Variants in ARHGAP17 observed in about 807,000 individuals in gnomAD.
ARHGAP17 encodes the protein Rho GTPase activating protein 17.
In ARHGAP17, 57 loss-of-function variants were observed where a neutral mutation model predicts 99.5. That is an observed-to-expected ratio of 0.57 (90% confidence interval 0.46 to 0.71). The LOEUF is 0.71. Among genes scored for constraint, ARHGAP17 ranks in the 30% least tolerant of loss-of-function variants. The pLI is 0.00. For synonymous variants in ARHGAP17, 417 were observed against 429.6 expected (o/e 0.97, Z 0.36); for missense variants, 1,000 against 1,122.4 (o/e 0.89, Z 1.56).
chr16:24,953,072 A>C, intron 10 of ARHGAP17, 30 bp from the exon 11 acceptor site: 3 of 1,607,814 alleles, frequency 1.9e-6, no homozygotes, highest in Non-Finnish European at 2.6e-6. Context: ...ATCAGCATCA[A>C]GTGCAGGTTG....
In ARHGAP17 at chr16:24,983,036, G is replaced by A. The variant is rs1377969031; in HGVS notation, c.54-4031C>T. On this transcript the variant is annotated intron_variant, in intron 1 of 19. Coordinates refer to ENST00000289968, the MANE Select transcript of ARHGAP17 (RefSeq NM_001006634.3). The stretch of plus-strand genomic sequence containing the variant: ...TTTTTTTTTTTTGAGACAGGGTCTC[G>A]TTCTGTCACCCAGGCTGGAGTGCAG... 2.8e-4 allele frequency among the ~76,000 whole-genome samples: 30 copies of A among 105,644 alleles called. 1 individual carries two copies. Among genetic ancestry groups the A allele is most frequent in the Admixed American group, 1.4e-3 (10 of 7,354 alleles). 69.3% of individuals were successfully genotyped at this position (105,644 alleles called of 152,430 possible). A position where few individuals can be genotyped will look rare whatever the true frequency, so the allele number is the denominator to read the frequency against.
At chr16:24,936,681 G>T (rs951134179) in intron 17 of ARHGAP17, 1 of 151,672 alleles carries the variant, frequency 6.6e-6, no homozygotes, top group African/African-American at 2.4e-5. Context: ...ACTCCAGCCT[G>T]GCTGACAGAG....
chr16:25,013,158 A>G (rs148027227), intron 1 of ARHGAP17, among the ~76,000 whole-genome samples: 1 of 152,350 alleles, frequency 6.6e-6, no homozygotes, highest in Non-Finnish European at 1.5e-5. Context: ...GCATCATAGA[A>G]GGCCTTTCAG....
At chr16:24,985,031 T>A (rs1471255943) in intron 1 of ARHGAP17, among the ~76,000 whole-genome samples, 1 of 152,174 alleles carries the variant, frequency 6.6e-6, no homozygotes, top group African/African-American at 2.4e-5. Context: ...CCCAATTTGT[T>A]TTCTAAATTT....
At chr16:24,921,283 C>A (rs1433492673) in intron 19 of ARHGAP17, among the ~76,000 whole-genome samples, 1 of 152,110 alleles carries the variant, frequency 6.6e-6, no homozygotes, top group Non-Finnish European at 1.5e-5. Flanking sequence ...ATTATGAGAG[C>A]CTCATTAGGT....
chr16:24,926,353 T>G (rs182364374), intron 19 of ARHGAP17, among the ~76,000 whole-genome samples: 2,957 of 152,064 alleles, frequency 0.019, 43 homozygotes, highest in Middle Eastern at 0.041. Context: ...CTCCACCTCC[T>G]GGGTTCAAGC....
At chr16:24,972,794 C>G (rs553333842) in intron 3 of ARHGAP17, among the ~76,000 whole-genome samples, 3 of 151,932 alleles carry the variant, frequency 2.0e-5, no homozygotes, top group Admixed American at 2.0e-4. Context: ...ACCCCAAAGC[C>G]ACAACAATCT....
At chr16:24,967,108 G>C (rs1004372045) in intron 6 of ARHGAP17, among the ~76,000 whole-genome samples, 1 of 152,354 alleles carries the variant, frequency 6.6e-6, no homozygotes, top group Non-Finnish European at 1.5e-5. Context: ...AAAGTAGCTC[G>C]ATCTCTGGCA....
intron 3 of ARHGAP17, among the ~76,000 whole-genome samples, chr16:24,976,054 TA>T (rs2052503721): frequency 6.6e-6 from 1 of 152,104 alleles, no homozygotes; most frequent in African/African-American, 2.4e-5. Flanking sequence ...TGGGCCAAAC[TA>T]ACTTAAACCA....
In ARHGAP17 at chr16:24,931,165, T is replaced by C; in HGVS notation, c.2134A>G (p.Asn712Asp). The change falls in exon 19 of 20, where the codon AAT (asparagine) becomes GAT (aspartate). Residue 712 changes from asparagine to aspartate, a missense_variant. Coordinates refer to ENST00000289968, the MANE Select transcript of ARHGAP17 (RefSeq NM_001006634.3). ...GTAGGGGGCTGCGGCGGTGGGTGATTGGGAGCTTGGATTGGAGACAAGCTG... is the reference window on the plus strand; with the variant it reads ...GTAGGGGGCTGCGGCGGTGGGTGATCGGGAGCTTGGATTGGAGACAAGCTG... The part of the protein sequence containing the change: ...SSSLSPIQAP[N>D]HPPPQPPTQA... The C allele has an allele frequency of 1.3e-6, 2 of 1,594,008 alleles. No homozygotes were observed. The highest frequency in any genetic ancestry group is 1.7e-6 in the Non-Finnish European group (2 of 1,171,112).
chr16:24,945,250 G>A (rs2051435159), intron 14 of ARHGAP17, among the ~76,000 whole-genome samples: 1 of 151,772 alleles, frequency 6.6e-6, no homozygotes, highest in African/African-American at 2.4e-5. Context: ...CTGAGCCCAG[G>A]AGGTTGCGGC....
intron 1 of ARHGAP17, among the ~76,000 whole-genome samples, chr16:24,992,863 C>T (rs562512664): frequency 4.6e-5 from 7 of 152,186 alleles, no homozygotes; most frequent in Admixed American, 6.5e-5. Context: ...AGCAATGGTG[C>T]GATCGTAACT....
Position 24,931,274 on chromosome 16 carries a change from G to C in ARHGAP17, c.2025C>G (p.Pro675=). The change falls in exon 19 of 20, where the codon CCC becomes CCG. Residue 675 remains proline, a synonymous_variant. Transcript: ENST00000289968. The stretch of plus-strand genomic sequence containing the variant: ...GGCCCGTGTGCTGGGTGGGAGGAGA[G>C]GGGCTTCGGGTGGGTGGCTTTGGTG... ...SLSPKPPTRS[P]SPPTQHTGQP... The C allele has an allele frequency of 6.5e-7, 1 of 1,532,138 alleles. No homozygotes were observed. The highest frequency in any genetic ancestry group is 8.8e-7 in the Non-Finnish European group (1 of 1,139,754). 94.9% of individuals were successfully genotyped at this position (1,532,138 alleles called of 1,614,324 possible). A position where few individuals can be genotyped will look rare whatever the true frequency, so the allele number is the denominator to read the frequency against.
intron 1 of ARHGAP17, among the ~76,000 whole-genome samples, chr16:25,002,910 G>A (rs993567730): frequency 2.6e-5 from 4 of 151,850 alleles, no homozygotes; most frequent in African/African-American, 9.7e-5. Context: ...GTGGTGGTGG[G>A]CAACTGTAAT....
intron 9 of ARHGAP17, chr16:24,956,592 ATAGG>A (rs1734056829): frequency 6.6e-6 from 1 of 152,276 alleles, no homozygotes; most frequent in Admixed American, 6.5e-5. Flanking sequence ...GAGGAGTCGG[ATAGG>A]TAGCACAGGG....
At chr16:24,932,353 T>C (rs1022990030) in intron 18 of ARHGAP17, among the ~76,000 whole-genome samples, 1 of 152,192 alleles carries the variant, frequency 6.6e-6, no homozygotes, top group Non-Finnish European at 1.5e-5. Flanking sequence ...GCCTATCGTT[T>C]TGAAAGTTCA....
intron 1 of ARHGAP17, among the ~76,000 whole-genome samples, chr16:24,986,802 C>T (rs2052884097): frequency 6.6e-6 from 1 of 152,166 alleles, no homozygotes; most frequent in Admixed American, 6.5e-5. Context: ...TGAGGCTGGG[C>T]TGGAGGTGTA....
Position 24,919,984 on chromosome 16 carries a change from T to C in ARHGAP17, c.*146A>G, listed in dbSNP as rs2050677247. 1.6e-6 allele frequency: 2 copies of C among 1,212,826 alleles called. No homozygotes were observed. The highest frequency in any genetic ancestry group is 4.7e-5 in the Admixed American group (2 of 42,924). 75.1% of individuals were successfully genotyped at this position (1,212,826 alleles called of 1,614,324 possible). On this transcript the variant is annotated 3_prime_UTR_variant, in exon 20 of 20. Coordinates refer to ENST00000289968, the MANE Select transcript of ARHGAP17 (RefSeq NM_001006634.3). ...TGGCCTCCAGGTTCTCCTTGGGCCG[T>C]GCAGAAGGCCAGGTCCCGCACAGTG...
chr16:24,937,954 T>C (rs1475991912), intron 17 of ARHGAP17, among the ~76,000 whole-genome samples: 1 of 152,248 alleles, frequency 6.6e-6, no homozygotes, highest in East Asian at 1.9e-4. Context: ...CACACATGTA[T>C]GCAAAGCTAA....
Sources: allele counts gnomAD v4.1 joint callset (sites outside exome capture counted in the v4.1 genomes callset), GRCh38; gene constraint gnomAD v4.1.1; transcripts MANE v1.5; gene names NCBI Gene and HGNC (gene_info 2026-07-23, HGNC 2026-07-21).